The following BCL11B variants were observed in gnomAD, a reference collection of about 807,000 sequenced individuals.
BCL11B encodes the protein B-cell lymphoma/leukemia 11B.
Under a neutral mutation model 49.9 loss-of-function variants are expected in BCL11B, and 8 were observed. That is an observed-to-expected ratio of 0.16 (90% CI 0.09 to 0.29). The LOEUF (loss-of-function observed/expected upper bound fraction) is 0.29, where lower values mean the gene tolerates loss of function less well. Ranked by LOEUF, BCL11B falls within the 10% of genes least tolerant of loss-of-function variation. The probability of loss-of-function intolerance (pLI) is 1.00; values close to 1 mark genes in which losing one functional copy is unlikely to be tolerated. For synonymous variants in BCL11B, 739 were observed against 637.4 expected (o/e 1.16, Z -2.40); for missense variants, 1,006 against 1,351.0 (o/e 0.74, Z 4.00).
At chr14:99,258,632 G>A (rs1041202947) in intron 1 of BCL11B, among the ~76,000 whole-genome samples, 1 of 152,192 alleles carries the variant, frequency 6.6e-6, no homozygotes, top group Non-Finnish European at 1.5e-5. Context: ...AGGGAGGCTG[G>A]AACCGGCTTG....
chr14:99,212,214 A>G (rs993199037), intron 3 of BCL11B, among the ~76,000 whole-genome samples: 3 of 152,124 alleles, frequency 2.0e-5, no homozygotes, highest in Admixed American at 6.5e-5. Flanking sequence ...AGCAAAATGG[A>G]TCTCCCCAAA....
Position 99,271,288 on chromosome 14 carries a change from A to AGCCGCCGCCGCGCCGCTGCCGCCGCTGCC in BCL11B, c.-99_-71dup, listed in dbSNP as rs1889673516. The AGCCGCCGCCGCGCCGCTGCCGCCGCTGCC allele has an allele frequency of 2.2e-5, 24 of 1,095,158 alleles. No individual in the cohort carries two copies. Among genetic ancestry groups the AGCCGCCGCCGCGCCGCTGCCGCCGCTGCC allele is most frequent in the Non-Finnish European group, 2.4e-5 (21 of 866,894 alleles). The allele number at this position is 1,095,158 out of a possible 1,614,324, so 67.8% of individuals were successfully genotyped here. A position where few individuals can be genotyped will look rare whatever the true frequency, so the allele number is the denominator to read the frequency against. On this transcript the variant is annotated 5_prime_UTR_variant, in exon 1 of 4. Transcript: ENST00000357195. Reference sequence around the variant, plus strand: ...GGGGGGAGCCGGGGGAGGGGGTCCGAGCCGCCGCCGCGCCGCTGCCGCCGC... The same window carrying AGCCGCCGCCGCGCCGCTGCCGCCGCTGCC: ...GGGGGGAGCCGGGGGAGGGGGTCCGAGCCGCCGCCGCGCCGCTGCCGCCGCTGCCGCCGCCGCCGCGCCGCTGCCGCCGC...
chr14:99,226,199 T>TAC (rs1888156402), intron 3 of BCL11B, among the ~76,000 whole-genome samples: 1 of 152,226 alleles, frequency 6.6e-6, no homozygotes, highest in Non-Finnish European at 1.5e-5. Flanking sequence ...GCCCTTTTCC[T>TAC]ACATGGAGCC....
rs545644595 is a variant in BCL11B at position 99,195,752 on chromosome 14, C to G, written c.641-19557G>C. Among the ~76,000 whole-genome samples the G allele has an allele frequency of 2.2e-4, 34 of 152,242 alleles. 1 individual carries two copies. The South Asian group carries it at 6.8e-3, about 31-fold the overall frequency. ...ATAACAGGCCCCTACAGAGTGGGAG[C>G]CTCGTCCCAGTCATTCCTGTCACCC... On this transcript the variant is annotated intron_variant, in intron 3 of 3. Transcript: ENST00000357195. This position sits in a 1 kb window ranked among gnomAD's most constrained non-coding sequence, Gnocchi z 4.7.
intron 3 of BCL11B, among the ~76,000 whole-genome samples, chr14:99,200,260 G>A (rs893488525): frequency 6.6e-6 from 1 of 152,242 alleles, no homozygotes; most frequent in Non-Finnish European, 1.5e-5. Context: ...CACAGGCGCT[G>A]GTCAGTCTTG....
At chr14:99,211,095 T>C (rs1887675410) in intron 3 of BCL11B, among the ~76,000 whole-genome samples, 1 of 152,160 alleles carries the variant, frequency 6.6e-6, no homozygotes, top group Admixed American at 6.5e-5. Context: ...CATCCACACA[T>C]GCGTACCCAG....
chr14:99,238,724 A>C (rs1888577425), intron 2 of BCL11B, among the ~76,000 whole-genome samples: 1 of 152,168 alleles, frequency 6.6e-6, no homozygotes, highest in African/African-American at 2.4e-5. Context: ...AACTACTGAA[A>C]TGCAAATAAA....
intron 1 of BCL11B, among the ~76,000 whole-genome samples, chr14:99,260,028 G>C (rs923914736): frequency 6.6e-6 from 1 of 152,176 alleles, no homozygotes; most frequent in Non-Finnish European, 1.5e-5. Flanking sequence ...AGCCAAAGGA[G>C]AGCACTGTAA....
At chr14:99,223,138 T>C (rs1338963624) in intron 3 of BCL11B, among the ~76,000 whole-genome samples, 1 of 152,190 alleles carries the variant, frequency 6.6e-6, no homozygotes, top group African/African-American at 2.4e-5. Flanking sequence ...CAATGGGAGT[T>C]AGAAGAAGTC....
At chr14:99,240,019 T>TG (rs1165190798) in intron 2 of BCL11B, among the ~76,000 whole-genome samples, 3 of 152,152 alleles carry the variant, frequency 2.0e-5, no homozygotes, top group Admixed American at 6.5e-5. Flanking sequence ...CAGGTGCAGA[T>TG]GGAGTCATGG....
rs1242365636 is a variant in BCL11B, at chr14:99,209,336, G to A, written c.640+22009C>T. 4.6e-5 allele frequency among the ~76,000 whole-genome samples: 7 copies of A among 152,022 alleles called. No individual in the cohort carries two copies. In the East Asian group the frequency reaches 5.8e-4, roughly 13 times the overall value. On this transcript the variant is annotated intron_variant, in intron 3 of 3. Transcript: ENST00000357195. ...CCGCTTCTTGTTTATGAAAACACTC[G>A]GCCTCCACTGACATCCGCAGGGGAC...
chr14:99,221,947 T>C (rs1888021841), intron 3 of BCL11B, among the ~76,000 whole-genome samples: 2 of 152,196 alleles, frequency 1.3e-5, no homozygotes, highest in South Asian at 2.1e-4. Context: ...GGGAACCATA[T>C]CTGAGTTTGA....
rs751373711 is a variant in BCL11B, at chr14:99,213,095, G to T, written c.640+18250C>A. Among the ~76,000 whole-genome samples the T allele has an allele frequency of 6.6e-6, 1 of 152,188 alleles. No homozygotes were observed. ...GACCCTGTGCCAGTGCAGAGTGGGG[G>T]ACCTACTGCCATCTGCTTAAAACTC... is the stretch of plus-strand genomic sequence containing the variant. On this transcript the variant is annotated intron_variant, in intron 3 of 3. Transcript: ENST00000357195. The surrounding 1 kb of genome is among the most constrained non-coding windows in gnomAD (Gnocchi z 5.1).
chr14:99,245,950 C>CG (rs1034075062), intron 2 of BCL11B, among the ~76,000 whole-genome samples: 25 of 146,934 alleles, frequency 1.7e-4, no homozygotes, highest in African/African-American at 2.5e-4. Flanking sequence ...CCGACGGGGG[C>CG]GGGGGGGAAA....
chr14:99,199,695 CGCACGTGCACGTGTGT>C (rs1314583649), intron 3 of BCL11B, among the ~76,000 whole-genome samples: 1 of 62,624 alleles, frequency 1.6e-5, no homozygotes, highest in African/African-American at 4.1e-5. Flanking sequence ...CGCGCGCGCG[CGCACGTGCACGTGTGT>C]GCGTGTGTGC....
chr14:99,240,447 A>G (rs1343576474), intron 2 of BCL11B, among the ~76,000 whole-genome samples: 2 of 152,222 alleles, frequency 1.3e-5, no homozygotes, highest in African/African-American at 4.8e-5. Flanking sequence ...CATAAGAACA[A>G]AATCTTTTCT....
intron 3 of BCL11B, among the ~76,000 whole-genome samples, chr14:99,199,687 C>T (rs1196726733): frequency 0.011 from 632 of 58,782 alleles, 2 homozygotes; most frequent in South Asian, 0.016. Context: ...TGTGTGTGCG[C>T]GCGCGCGCGC....
At position 99,271,272 on chromosome 14, in the gene BCL11B, CG is replaced by C; in HGVS notation, c.-55del. On this transcript the variant is annotated 5_prime_UTR_variant, in exon 1 of 4. Coordinates refer to ENST00000357195, the MANE Select transcript of BCL11B (RefSeq NM_138576.4). ...GGAGAGCTGCACTGATGGGGGGAGCCGGGGGAGGGGGTCCGAGCCGCCGCCG... is the reference window on the plus strand; with the variant it reads ...GGAGAGCTGCACTGATGGGGGGAGCCGGGGAGGGGGTCCGAGCCGCCGCCG... The C allele has an allele frequency of 4.0e-6, 5 of 1,264,686 alleles. No homozygotes were observed. Among genetic ancestry groups the C allele is most frequent in the Admixed American group, 3.8e-5 (1 of 26,634 alleles). 78.3% of individuals were successfully genotyped at this position (1,264,686 alleles called of 1,614,324 possible). A position where few individuals can be genotyped will look rare whatever the true frequency, so the allele number is the denominator to read the frequency against.
At chr14:99,235,572 C>A (rs373310875) in intron 2 of BCL11B, among the ~76,000 whole-genome samples, 1 of 152,200 alleles carries the variant, frequency 6.6e-6, no homozygotes, top group Admixed American at 6.5e-5. Flanking sequence ...CTTACGTCAA[C>A]TCTCTTGACA....
Sources: gnomAD v4.1 joint callset for allele counts (sites outside exome capture counted in the v4.1 genomes callset) on GRCh38, gnomAD v4.1.1 for gene constraint, Gnocchi (gnomAD v3.1) non-coding constraint, MANE v1.5 for transcripts, NCBI Gene and HGNC (gene_info 2026-07-23, HGNC 2026-07-21) for gene names.